UNC80: variants seen among roughly 807,000 people sequenced by gnomAD.
UNC80 encodes unc-80 subunit of NALCN channel complex, also known as protein unc-80 homolog.
In UNC80, 164 loss-of-function variants were observed where a neutral mutation model predicts 384.6. The observed-to-expected ratio is 0.43, with a 90% confidence interval of 0.38 to 0.49. The LOEUF is 0.49. Ranked by LOEUF, UNC80 falls within the 20% of genes least tolerant of loss-of-function variation. UNC80 has a pLI of 0.00. For synonymous variants in UNC80, 1,486 were observed against 1,527.8 expected (o/e 0.97, Z 0.64); for missense variants, 3,330 against 4,143.0 (o/e 0.80, Z 5.39).
intron 7 of UNC80, among the ~76,000 whole-genome samples, chr2:209,805,184 T>C (rs1394042657): frequency 1.3e-5 from 2 of 152,228 alleles, no homozygotes; most frequent in African/African-American, 2.4e-5. Flanking sequence ...TCTCCTTTGT[T>C]AGATCACCCA....
At chr2:209,812,420 C>A (rs938128292) in intron 7 of UNC80, among the ~76,000 whole-genome samples, 3 of 151,824 alleles carry the variant, frequency 2.0e-5, no homozygotes, top group Admixed American at 6.6e-5. Context: ...GAATTATTTT[C>A]TTGAACCACT....
At chr2:209,857,337 T>A (rs1322902381) in intron 22 of UNC80, among the ~76,000 whole-genome samples, 1 of 152,196 alleles carries the variant, frequency 6.6e-6, no homozygotes, top group Non-Finnish European at 1.5e-5. Flanking sequence ...TATTTCTTCC[T>A]GAGACAGTTT....
intron 24 of UNC80, 66 bp from the exon 25 acceptor site, chr2:209,880,895 C>A: frequency 6.8e-7 from 1 of 1,477,536 alleles, no homozygotes; most frequent in South Asian, 1.2e-5. Flanking sequence ...CTATGTCCAT[C>A]AAACTATGCA....
intron 4 of UNC80, among the ~76,000 whole-genome samples, chr2:209,781,679 G>A (rs1260758493): frequency 2.0e-5 from 3 of 152,120 alleles, no homozygotes; most frequent in Non-Finnish European, 4.4e-5. Flanking sequence ...ATGCATTCTT[G>A]ACACTTTGTT....
chr2:209,834,279 A>G (rs2081195059), intron 17 of UNC80, 111 bp downstream of exon 17: 1 of 1,212,254 alleles, frequency 8.2e-7, no homozygotes, highest in Non-Finnish European at 1.1e-6. Context: ...AGGAATGGTA[A>G]AATTATCTTG....
At chr2:209,903,260 A>G (rs2087637333) in intron 28 of UNC80, among the ~76,000 whole-genome samples, 2 of 140,908 alleles carry the variant, frequency 1.4e-5, no homozygotes, top group African/African-American at 2.6e-5. Flanking sequence ...TACAGAAACC[A>G]TGGATATGGA....
At chr2:209,957,499 A>C in intron 48 of UNC80, 145 bp from the exon 49 acceptor site, 1 of 628,352 alleles carries the variant, frequency 1.6e-6, no homozygotes, top group Middle Eastern at 4.3e-4. Context: ...CAAACAGAAA[A>C]GCCCAAAGCT....
intron 24 of UNC80, among the ~76,000 whole-genome samples, chr2:209,880,477 G>A (rs1015033803): frequency 5.3e-5 from 8 of 152,226 alleles, no homozygotes; most frequent in African/African-American, 1.9e-4. Flanking sequence ...CAGCAAGACA[G>A]ACATCCCTCA....
intron 38 of UNC80, among the ~76,000 whole-genome samples, chr2:209,932,716 A>G (rs1355460296): frequency 6.6e-6 from 1 of 152,254 alleles, no homozygotes; most frequent in Non-Finnish European, 1.5e-5. Flanking sequence ...ATTCTAGTGC[A>G]CACAAGGAAG....
Position 209,881,097 on chromosome 2 carries a change from A to AT in UNC80, c.4110+3_4110+4insT. 3.9e-6 allele frequency: 6 copies of AT among 1,551,632 alleles called. No individual in the cohort carries two copies. The highest frequency in any genetic ancestry group is 4.4e-6 in the Non-Finnish European group (5 of 1,146,940). On this transcript the variant is annotated splice_donor_region_variant and intron_variant, in intron 25 of 64. Transcript: ENST00000673920. ...GACCTCGCACTGAGCCTCTGGTGGT[A>AT]AGTTAAAGCATGCAAGTTAATAATC...
At chr2:209,954,519 C>G (rs921003264) in intron 48 of UNC80, 6 of 291,360 alleles carry the variant, frequency 2.1e-5, no homozygotes, top group Non-Finnish European at 3.7e-5. Flanking sequence ...TTGCTAAACA[C>G]ACATTTGCAT....
intron 36 of UNC80, among the ~76,000 whole-genome samples, 165 bp downstream of exon 36, chr2:209,927,151 C>G (rs2090499221): frequency 6.6e-6 from 1 of 152,206 alleles, no homozygotes; most frequent in African/African-American, 2.4e-5. Context: ...CAGTATCACT[C>G]TCTCCACCTC....
chr2:209,793,298 G>A (rs1169811171), intron 6 of UNC80, among the ~76,000 whole-genome samples: 2 of 152,168 alleles, frequency 1.3e-5, no homozygotes, highest in East Asian at 1.9e-4. Flanking sequence ...AGTTAACCTT[G>A]TACTTCTGTT....
rs572515146 is a variant in UNC80 at position 209,920,985 on chromosome 2, G to A, written c.5344-515G>A. Among the ~76,000 whole-genome samples, 16 of 152,034 alleles carry A rather than the reference G, an allele frequency of 1.1e-4. 1 individual carries two copies. Among genetic ancestry groups the A allele is most frequent in the African/African-American group, 3.4e-4 (14 of 41,462 alleles). Reference sequence around the variant, plus strand: ...TGGGATTACAGGCTTGCGCCACCACGCCCAGCTAATTTTTGTATTTTTAGT... The same window carrying A: ...TGGGATTACAGGCTTGCGCCACCACACCCAGCTAATTTTTGTATTTTTAGT... On this transcript the variant is annotated intron_variant, in intron 33 of 64. Transcript: ENST00000673920.
At chr2:209,932,554 A>G (rs1465781251) in intron 38 of UNC80, among the ~76,000 whole-genome samples, 1 of 152,144 alleles carries the variant, frequency 6.6e-6, no homozygotes, top group Non-Finnish European at 1.5e-5. Context: ...GCTTGCCCAG[A>G]CCATTGCTCT....
chr2:209,973,363 T>C, intron 56 of UNC80, 93 bp downstream of exon 56: 1 of 1,176,470 alleles, frequency 8.5e-7, no homozygotes. Flanking sequence ...AATAAATAAA[T>C]AGATGTACTT....
chr2:209,969,694 C>T (rs2092828444), intron 52 of UNC80, 74 bp from the exon 53 acceptor site: 4 of 1,525,838 alleles, frequency 2.6e-6, no homozygotes, highest in Non-Finnish European at 3.5e-6. Context: ...GCATCAGAAT[C>T]ACTGTCTCAT....
rs1024329590 is a variant in UNC80, at chr2:209,959,611, A to G, written c.7709A>G (p.Tyr2570Cys). ...TTACTGAATATTTGCACTGAGTTCT[A>G]TAAGCACTGTGGGCCACGGCTGAAG... ...ESLLNICTEF[Y>C]KHCGPRLKIL... Residue 2570 changes from tyrosine to cysteine, a missense_variant, in exon 51 of 65, where the codon TAT (tyrosine) becomes TGT (cysteine). This residue lies in a region of UNC80 where 1,049 missense variants were observed against 1,488.6 expected (regional missense o/e 0.70). Coordinates refer to ENST00000673920, the MANE Select transcript of UNC80 (RefSeq NM_001371986.1). 4.5e-6 allele frequency: 7 copies of G among 1,551,620 alleles called. No individual in the cohort carries two copies. In the African/African-American group the frequency reaches 5.5e-5, roughly 12 times the overall value.
chr2:209,875,476 C>A (rs1324580269), intron 23 of UNC80, among the ~76,000 whole-genome samples: 1 of 152,164 alleles, frequency 6.6e-6, no homozygotes, highest in Non-Finnish European at 1.5e-5. Flanking sequence ...AAGCAGAGTC[C>A]ATGCTTGTCT....
Sources: allele counts gnomAD v4.1 joint callset (sites outside exome capture counted in the v4.1 genomes callset), GRCh38; gene constraint gnomAD v4.1.1; regional missense constraint gnomAD v4.1.1; transcripts MANE v1.5; gene names NCBI Gene and HGNC (gene_info 2026-07-23, HGNC 2026-07-21).